HIPK2: variants seen among roughly 807,000 people sequenced by gnomAD.
HIPK2 encodes homeodomain-interacting protein kinase 2.
A neutral mutation model predicts 113.7 loss-of-function variants in HIPK2; 27 were observed. The observed-to-expected ratio is 0.24, with a 90% CI of 0.17 to 0.33. The LOEUF is 0.33. Among genes scored for constraint, HIPK2 ranks in the 10% least tolerant of loss-of-function variants. HIPK2 has a pLI of 1.00. For missense variants in HIPK2, 1,257 were observed against 1,588.0 expected (o/e 0.79, Z 3.54); for synonymous variants, 631 against 642.2 (o/e 0.98, Z 0.26).
chr7:139,699,209 C>T (rs1794641869), intron 2 of HIPK2, among the ~76,000 whole-genome samples: 1 of 152,078 alleles, frequency 6.6e-6, no homozygotes, highest in African/African-American at 2.4e-5. Context: ...TCTCATTTCC[C>T]CAGGGCCGCA....
intron 2 of HIPK2, among the ~76,000 whole-genome samples, chr7:139,663,230 C>T (rs187706649): frequency 6.6e-6 from 1 of 152,348 alleles, no homozygotes; most frequent in African/African-American, 2.4e-5. Context: ...CTGACCTTCA[C>T]CTTCTTTATA....
chr7:139,763,472 G>GCCCCCCCCCCCC (rs547691856), intron 1 of HIPK2, among the ~76,000 whole-genome samples: 2 of 100,792 alleles, frequency 2.0e-5, no homozygotes, highest in African/African-American at 5.1e-5. Context: ...GCCGGAACAC[G>GCCCCCCCCCCCC]CCCCCCCCCC....
At chr7:139,729,295 A>G (rs1795691246) in intron 1 of HIPK2, among the ~76,000 whole-genome samples, 1 of 147,216 alleles carries the variant, frequency 6.8e-6, no homozygotes, top group Non-Finnish European at 1.5e-5. Flanking sequence ...ACTGCATTCC[A>G]GCCTGGGTGA....
At chr7:139,728,221 G>A (rs1238390684) in intron 1 of HIPK2, among the ~76,000 whole-genome samples, 1 of 152,128 alleles carries the variant, frequency 6.6e-6, no homozygotes, top group Non-Finnish European at 1.5e-5. Context: ...GGGATTACAG[G>A]TGTGAGCCAC....
At chr7:139,724,962 G>A (rs986271477) in intron 1 of HIPK2, among the ~76,000 whole-genome samples, 5 of 151,890 alleles carry the variant, frequency 3.3e-5, no homozygotes, top group African/African-American at 1.2e-4. Context: ...GAATTCTTTT[G>A]TCAATAATGA....
chr7:139,623,825 G>C (rs1225934506), intron 6 of HIPK2, among the ~76,000 whole-genome samples: 2 of 152,110 alleles, frequency 1.3e-5, no homozygotes, highest in African/African-American at 4.8e-5. Context: ...GCCATGATAC[G>C]CACAATTCTC....
intron 2 of HIPK2, among the ~76,000 whole-genome samples, chr7:139,673,101 C>T (rs1285557225): frequency 1.4e-5 from 2 of 143,722 alleles, no homozygotes; most frequent in Non-Finnish European, 1.5e-5. Context: ...GTGGTTAGAA[C>T]TTTTTTTTTT....
intron 2 of HIPK2, among the ~76,000 whole-genome samples, chr7:139,670,971 G>T (rs1270776246): frequency 6.6e-6 from 1 of 151,812 alleles, no homozygotes; most frequent in Non-Finnish European, 1.5e-5. Flanking sequence ...ACGTTGTCCA[G>T]GCTGGTCTCC....
chr7:139,564,246 G>A lies in HIPK2; in HGVS notation c.*8681C>T, dbSNP rs1362887760. On this transcript the variant is annotated 3_prime_UTR_variant, in exon 15 of 15. Transcript: ENST00000406875. ...CAGATATATGGAAAACCCAGCCAGC[G>A]ACCATGGGAATAGGGGTATATGGTC... The A allele has an allele frequency of 3.3e-5, 9 of 272,782 alleles. No individual in the cohort carries two copies. In the East Asian group the frequency reaches 4.9e-4, roughly 15 times the overall value. The allele number at this position is 272,782 out of a possible 1,614,324, so 16.9% of individuals were successfully genotyped here.
chr7:139,738,873 G>A (rs548557437), intron 1 of HIPK2, among the ~76,000 whole-genome samples: 23 of 152,160 alleles, frequency 1.5e-4, no homozygotes, highest in Admixed American at 1.2e-3. Context: ...ACTCATTTCC[G>A]GGCAGGGAAT....
rs117311699 is a variant in HIPK2, at chr7:139,718,390, C to T, written c.20-1375G>A. On this transcript the variant is annotated intron_variant, in intron 1 of 14. Coordinates refer to ENST00000406875, the MANE Select transcript of HIPK2 (RefSeq NM_022740.5). ...GTGGTAATCCTTTCCACTCCATCAA[C>T]CATCACCCTAGTCCACCTTCTCTCT... 7.8e-4 allele frequency among the ~76,000 whole-genome samples: 119 copies of T among 152,318 alleles called. 1 individual carries two copies. In the East Asian group the frequency reaches 0.02, roughly 25 times the overall value.
At chr7:139,578,776 T>C (rs1798573908) in intron 13 of HIPK2, among the ~76,000 whole-genome samples, 1 of 152,160 alleles carries the variant, frequency 6.6e-6, no homozygotes, top group South Asian at 2.1e-4. Context: ...GTTCAAGTGA[T>C]CCTCCAGCCT....
intron 2 of HIPK2, among the ~76,000 whole-genome samples, chr7:139,686,251 C>G (rs1292654574): frequency 1.3e-5 from 2 of 152,200 alleles, no homozygotes; most frequent in African/African-American, 2.4e-5. Context: ...GAAGATGTGA[C>G]TGAATTGCTG....
At chr7:139,726,382 T>C (rs773678652) in intron 1 of HIPK2, among the ~76,000 whole-genome samples, 2 of 151,722 alleles carry the variant, frequency 1.3e-5, no homozygotes, top group African/African-American at 4.8e-5. Flanking sequence ...TGCTGACAGA[T>C]GAGATGTGAG....
chr7:139,707,017 C>G (rs915430827), intron 2 of HIPK2, among the ~76,000 whole-genome samples: 1 of 152,214 alleles, frequency 6.6e-6, no homozygotes, highest in Non-Finnish European at 1.5e-5. Context: ...GAGTTAACAC[C>G]CTGGGGAGCC....
chr7:139,591,536 A>G (rs1266845693), intron 12 of HIPK2, among the ~76,000 whole-genome samples: 5 of 152,186 alleles, frequency 3.3e-5, no homozygotes, highest in Non-Finnish European at 5.9e-5. Flanking sequence ...AAGCTGTGGC[A>G]TATCAGTGAC....
chr7:139,726,973 G>A (rs911389682), intron 1 of HIPK2, among the ~76,000 whole-genome samples: 1 of 152,164 alleles, frequency 6.6e-6, no homozygotes, highest in Non-Finnish European at 1.5e-5. Flanking sequence ...TTTGTTTTAG[G>A]CATTAGTAAC....
Position 139,600,463 on chromosome 7 carries a change from T to A in HIPK2, c.2389A>T (p.Ser797Cys). 6.2e-7 allele frequency: 1 copy of A among 1,613,932 alleles called. No homozygotes were observed. Among genetic ancestry groups the A allele is most frequent in the Non-Finnish European group, 8.5e-7 (1 of 1,179,886 alleles). The change falls in exon 11 of 15, where the codon AGC (serine) becomes TGC (cysteine). Residue 797 changes from serine to cysteine, a missense_variant. Ser to Cys is a moderately radical substitution (Grantham distance 112). Coordinates refer to ENST00000406875, the MANE Select transcript of HIPK2 (RefSeq NM_022740.5). ...VAHVMRQQPT[S>C]TTSSRKSKQH... Reference sequence around the variant, plus strand: ...TTACTCTTCCGGGAGGAGGTGGTGCTGGTTGGCTGCTGCCGCATCACGTGG... The same window carrying A: ...TTACTCTTCCGGGAGGAGGTGGTGCAGGTTGGCTGCTGCCGCATCACGTGG...
intron 2 of HIPK2, among the ~76,000 whole-genome samples, chr7:139,634,910 T>G (rs1800756725): frequency 6.6e-6 from 1 of 152,030 alleles, no homozygotes; most frequent in Admixed American, 6.5e-5. Context: ...GCTCCTGATC[T>G]CAAGTGATCC....
Sources: allele counts gnomAD v4.1 joint callset (sites outside exome capture counted in the v4.1 genomes callset), GRCh38; gene constraint gnomAD v4.1.1; transcripts MANE v1.5; gene names NCBI Gene and HGNC (gene_info 2026-07-23, HGNC 2026-07-21).